SCN1A: variants seen among roughly 807,000 people sequenced by gnomAD.
SCN1A encodes the protein sodium voltage-gated channel alpha subunit 1.
In SCN1A, 13 loss-of-function variants were observed where a neutral mutation model predicts 193.7. That is an observed-to-expected ratio of 0.07 (90% CI 0.04 to 0.11). SCN1A has a LOEUF of 0.11. SCN1A is among the 10% of genes least tolerant of loss of function. SCN1A has a pLI of 1.00. For synonymous variants in SCN1A, 781 were observed against 843.6 expected (o/e 0.93, Z 1.29); for missense variants, 1,432 against 2,451.1 (o/e 0.58, Z 8.78).
chr2:166,095,060 AAAC>A (rs1687228303), intron 2 of SCN1A, among the ~76,000 whole-genome samples: 1 of 152,210 alleles, frequency 6.6e-6, no homozygotes, highest in African/African-American at 2.4e-5. Context: ...TGGAAATAGA[AAAC>A]AAACAAATAA....
At chr2:166,017,788 C>A (rs1693499857) in intron 19 of SCN1A, among the ~76,000 whole-genome samples, 1 of 151,876 alleles carries the variant, frequency 6.6e-6, no homozygotes, top group South Asian at 2.1e-4. Context: ...TGTGGAGAGG[C>A]ATTCAGGTAC....
At chr2:166,137,090 T>C (rs1691892962) in intron 1 of SCN1A, among the ~76,000 whole-genome samples, 1 of 152,236 alleles carries the variant, frequency 6.6e-6, no homozygotes, top group Admixed American at 6.5e-5. Context: ...GTGCTCCTGC[T>C]AGTAGCCCTT....
rs1023992140 is a variant in SCN1A at position 166,045,280 on chromosome 2, T to G, written c.1425A>C (p.Ala475=). The G allele has an allele frequency of 2.5e-6, 4 of 1,614,212 alleles. No homozygotes were observed. Among genetic ancestry groups the G allele is most frequent in the Non-Finnish European group, 3.4e-6 (4 of 1,180,024 alleles). The change falls in exon 13 of 29, where the codon GCA becomes GCC. Residue 475 remains alanine, a synonymous_variant. Coordinates refer to ENST00000674923, the MANE Select transcript of SCN1A (RefSeq NM_001165963.4). ...ATGAGCTGTCTGAGAGCCTGCCTGC[T>G]GCACTGGGCTCTCTGGAATGTTCTG... ...TASEHSREPS[A]AGRLSDSSSE...
chr2:166,104,518 G>A (rs1433744388), intron 2 of SCN1A, among the ~76,000 whole-genome samples: 1 of 152,192 alleles, frequency 6.6e-6, no homozygotes, highest in Non-Finnish European at 1.5e-5. Context: ...TGAGGCAGGT[G>A]TATTGCTTGA....
intron 2 of SCN1A, among the ~76,000 whole-genome samples, chr2:166,102,865 G>A (rs1195769622): frequency 6.6e-6 from 1 of 152,150 alleles, no homozygotes; most frequent in Non-Finnish European, 1.5e-5. Context: ...ACATTACACA[G>A]CCATAAATAA....
In SCN1A at chr2:166,027,390, T is replaced by C. The variant is rs1694938442; in HGVS notation, c.3429+8658A>G. Among the ~76,000 whole-genome samples, 2 of 152,154 alleles carry C rather than the reference T, an allele frequency of 1.3e-5. 1 individual carries two copies. Among genetic ancestry groups the C allele is most frequent in the South Asian group, 4.1e-4 (2 of 4,830 alleles). ...CTCTGAGAGTAAGTGATTAAATGCT[T>C]TTTTTCTTGTTCTCTGACTTGATCC... is the stretch of plus-strand genomic sequence containing the variant. On this transcript the variant is annotated intron_variant, in intron 19 of 28. Transcript: ENST00000674923.
intron 19 of SCN1A, among the ~76,000 whole-genome samples, chr2:166,025,699 A>G (rs1174692335): frequency 6.6e-6 from 1 of 152,160 alleles, no homozygotes; most frequent in Non-Finnish European, 1.5e-5. Context: ...CCTAAGAACC[A>G]TAACCTGTTA....
At chr2:166,119,845 T>A (rs1574589488) in intron 2 of SCN1A, among the ~76,000 whole-genome samples, 1 of 152,102 alleles carries the variant, frequency 6.6e-6, no homozygotes, top group Non-Finnish European at 1.5e-5. Flanking sequence ...ATACAATGAG[T>A]ATCTTTGCAT....
intron 2 of SCN1A, among the ~76,000 whole-genome samples, chr2:166,107,781 G>A (rs914536456): frequency 6.6e-6 from 1 of 152,076 alleles, no homozygotes; most frequent in African/African-American, 2.4e-5. Flanking sequence ...ATTTGAAACT[G>A]TGGATAACAA....
At chr2:166,066,944 AC>A (rs1683906434) in intron 4 of SCN1A, among the ~76,000 whole-genome samples, 1 of 151,962 alleles carries the variant, frequency 6.6e-6, no homozygotes, top group Non-Finnish European at 1.5e-5. Flanking sequence ...TACCTCCCCA[AC>A]CTCACCTTAT....
In SCN1A at chr2:166,110,996, G is replaced by A. The variant is rs116061144; in HGVS notation, c.-142+15928C>T. Among the ~76,000 whole-genome samples the A allele has an allele frequency of 2.5e-3, 381 of 152,192 alleles. 1 individual carries two copies. Among genetic ancestry groups the A allele is most frequent in the African/African-American group, 8.8e-3 (364 of 41,538 alleles). On this transcript the variant is annotated intron_variant, in intron 2 of 28. Transcript: ENST00000674923. ...TGTTTGAGGCCTCCCTAGCCATGTG[G>A]AACTGTGAGTCCGTTAAACTGCTTT... is the stretch of plus-strand genomic sequence containing the variant.
At chr2:166,124,334 A>AG in intron 2 of SCN1A, among the ~76,000 whole-genome samples, 1 of 151,874 alleles carries the variant, frequency 6.6e-6, no homozygotes, top group Non-Finnish European at 1.5e-5. Flanking sequence ...AGATCACTTG[A>AG]GGTCAGGAGA....
chr2:166,100,613 T>C (rs905894764), intron 2 of SCN1A, among the ~76,000 whole-genome samples: 2 of 149,434 alleles, frequency 1.3e-5, no homozygotes, highest in Admixed American at 1.3e-4. Flanking sequence ...AACCTACTCA[T>C]CTGACAAAGG....
chr2:166,023,661 C>G (rs1197895330), intron 19 of SCN1A, among the ~76,000 whole-genome samples: 4 of 151,896 alleles, frequency 2.6e-5, no homozygotes, highest in African/African-American at 9.7e-5. Context: ...GTGGGTATGG[C>G]TGCTGGGCCT....
At chr2:166,023,024 A>G (rs754998936) in intron 19 of SCN1A, among the ~76,000 whole-genome samples, 1 of 152,222 alleles carries the variant, frequency 6.6e-6, no homozygotes, top group Non-Finnish European at 1.5e-5. Flanking sequence ...AAAAAAACAA[A>G]CTAGGATGCA....
Position 166,038,015 on chromosome 2 carries a change from T to C in SCN1A, c.2707A>G (p.Ile903Val). The C allele has an allele frequency of 6.2e-7, 1 of 1,614,180 alleles. No individual in the cohort carries two copies. The highest frequency in any genetic ancestry group is 8.5e-7 in the Non-Finnish European group (1 of 1,180,034). ...LTLVLAIIVF[I>V]FAVVGMQLFG... Reference sequence around the variant, plus strand: ...AGCTGCATGCCGACCACGGCAAAAATGAAGACGATGATGGCCAAGACGAGG... The same window carrying C: ...AGCTGCATGCCGACCACGGCAAAAACGAAGACGATGATGGCCAAGACGAGG... Residue 903 changes from isoleucine to valine, a missense_variant, in exon 18 of 29, where the codon ATT becomes GTT. Ile to Val is a conservative substitution (Grantham distance 29). Around this residue, in one of 18 missense-constraint regions of SCN1A, gnomAD observed 93 missense variants for 260.4 expected, o/e 0.36. Transcript: ENST00000674923.
Position 165,992,580 on chromosome 2 carries a change from A to G in SCN1A, c.4853-158T>C, listed in dbSNP as rs1689409212. 5.3e-6 allele frequency: 2 copies of G among 377,476 alleles called. No homozygotes were observed. The highest frequency in any genetic ancestry group is 4.3e-5 in the African/African-American group (2 of 47,056). 23.4% of individuals were successfully genotyped at this position (377,476 alleles called of 1,614,324 possible). On this transcript the variant is annotated intron_variant, in intron 28 of 28. Transcript: ENST00000674923. The surrounding 1 kb of genome is among the most constrained non-coding windows in gnomAD (Gnocchi z 6.5). Reference sequence around the variant, plus strand: ...ATATATATATAATTGTACATAATATATTATAAATCTTAATTTTGAAATTCA... The same window carrying G: ...ATATATATATAATTGTACATAATATGTTATAAATCTTAATTTTGAAATTCA...
chr2:166,047,893 A>T, intron 10 of SCN1A, 125 bp from the exon 11 acceptor site: 1 of 1,297,890 alleles, frequency 7.7e-7, no homozygotes, highest in Non-Finnish European at 1.1e-6. Flanking sequence ...CAAATAAGTA[A>T]CTAATCTATT....
At chr2:166,073,162 T>C (rs1684634675) in intron 4 of SCN1A, 196 bp downstream of exon 4, 1 of 647,808 alleles carries the variant, frequency 1.5e-6, no homozygotes, top group Non-Finnish European at 2.6e-6. Context: ...ATGGTGCATT[T>C]GGGACAGTTG....
Sources: gnomAD v4.1 joint callset for allele counts (sites outside exome capture counted in the v4.1 genomes callset) on GRCh38, gnomAD v4.1.1 for gene constraint, gnomAD v4.1.1 regional missense constraint, Gnocchi (gnomAD v3.1) non-coding constraint, MANE v1.5 for transcripts, NCBI Gene and HGNC (gene_info 2026-07-23, HGNC 2026-07-21) for gene names.